TRA2A: variants seen among roughly 807,000 people sequenced by gnomAD.
The protein encoded by TRA2A is transformer 2 alpha homolog.
A neutral mutation model predicts 45.7 loss-of-function variants in TRA2A; 31 were observed. That is an observed-to-expected ratio of 0.68 (90% CI 0.51 to 0.92). TRA2A has a LOEUF of 0.92. TRA2A is among the 40% of genes least tolerant of loss of function. The probability of loss-of-function intolerance (pLI) is 0.00; values close to 1 mark genes in which losing one functional copy is unlikely to be tolerated. For synonymous variants in TRA2A, 132 were observed against 126.2 expected (o/e 1.05, Z -0.31); for missense variants, 304 against 367.5 (o/e 0.83, Z 1.41).
chr7:23,513,559 A>G (rs1293394299), intron 3 of TRA2A, among the ~76,000 whole-genome samples: 1 of 152,008 alleles, frequency 6.6e-6, no homozygotes, highest in African/African-American at 2.4e-5. Flanking sequence ...TGGAGGTTGC[A>G]GTGAGCCAAG....
chr7:23,511,061 C>T (rs941974697), intron 4 of TRA2A, among the ~76,000 whole-genome samples: 2 of 151,956 alleles, frequency 1.3e-5, no homozygotes, highest in African/African-American at 4.8e-5. Context: ...ATGCCAAGAA[C>T]TTACTGTTTT....
chr7:23,508,611 C>T (rs1374599105), intron 4 of TRA2A, among the ~76,000 whole-genome samples: 1 of 152,216 alleles, frequency 6.6e-6, no homozygotes, highest in African/African-American at 2.4e-5. Context: ...TCTCCTGCCT[C>T]AGCCTCCCAA....
intron 1 of TRA2A, among the ~76,000 whole-genome samples, chr7:23,530,947 G>A (rs566059940): frequency 4.0e-5 from 6 of 151,794 alleles, no homozygotes; most frequent in Non-Finnish European, 7.4e-5. Flanking sequence ...TAAAGGAGTG[G>A]TCAGTTTTTA....
chr7:23,522,002 A>T, intron 1 of TRA2A, 162 bp from the exon 2 acceptor site: 3 of 1,404,404 alleles, frequency 2.1e-6, no homozygotes, highest in Non-Finnish European at 2.8e-6. Flanking sequence ...CACTGTTAAT[A>T]CTGCTAACTG....
chr7:23,513,735 C>T (rs1044535787), intron 3 of TRA2A, among the ~76,000 whole-genome samples: 1 of 152,138 alleles, frequency 6.6e-6, no homozygotes, highest in Admixed American at 6.6e-5. Flanking sequence ...GTACACTGAA[C>T]AAAGGAGACA....
Position 23,505,514 on chromosome 7 carries a change from A to G in TRA2A, c.*45T>C. ...AATCTCAGAATTAAAAAAAAAAAAA[A>G]AAAAAAGAGGAAAAAAAATGTCCTT... On this transcript the variant is annotated 3_prime_UTR_variant, in exon 8 of 8. Coordinates refer to ENST00000297071, the MANE Select transcript of TRA2A (RefSeq NM_013293.5). The G allele has an allele frequency of 1.9e-6, 1 of 536,142 alleles. No homozygotes were observed. The highest frequency in any genetic ancestry group is 3.4e-6 in the Non-Finnish European group (1 of 297,754). The allele number at this position is 536,142 out of a possible 1,614,324, so 33.2% of individuals were successfully genotyped here. A position where few individuals can be genotyped will look rare whatever the true frequency, so the allele number is the denominator to read the frequency against.
chr7:23,526,825 A>T (rs1313497654), intron 1 of TRA2A, among the ~76,000 whole-genome samples: 1 of 152,186 alleles, frequency 6.6e-6, no homozygotes, highest in Admixed American at 6.5e-5. Flanking sequence ...CTTTATCTGC[A>T]AAGACTCAAA....
At chr7:23,515,517 G>A (rs909962507) in intron 3 of TRA2A, among the ~76,000 whole-genome samples, 10 of 131,708 alleles carry the variant, frequency 7.6e-5, no homozygotes, top group South Asian at 2.5e-4. Flanking sequence ...ACGCCCGGCC[G>A]GAACATATTT....
intron 3 of TRA2A, among the ~76,000 whole-genome samples, chr7:23,516,073 A>G (rs547847040): frequency 1.3e-5 from 2 of 152,054 alleles, no homozygotes; most frequent in East Asian, 3.9e-4. Flanking sequence ...TCAGGAGGCT[A>G]AGGCCGCAGT....
chr7:23,520,407 G>A (rs1345018313), intron 2 of TRA2A, among the ~76,000 whole-genome samples: 1 of 152,172 alleles, frequency 6.6e-6, no homozygotes, highest in Non-Finnish European at 1.5e-5. Flanking sequence ...AGGCCCTAAG[G>A]CAAAAACATG....
intron 2 of TRA2A, 124 bp downstream of exon 2, chr7:23,521,583 G>T (rs1371744422): frequency 2.8e-6 from 3 of 1,086,418 alleles, no homozygotes; most frequent in African/African-American, 3.2e-5. Flanking sequence ...TTTACAAAGA[G>T]CAGTCTGAGA....
chr7:23,521,620 A>T, intron 2 of TRA2A, 87 bp downstream of exon 2: 1 of 1,486,476 alleles, frequency 6.7e-7, no homozygotes, highest in Non-Finnish European at 9.3e-7. Flanking sequence ...GTCTTTCGTG[A>T]AATTTCTACA....
intron 2 of TRA2A, among the ~76,000 whole-genome samples, chr7:23,518,130 G>C (rs1204796485): frequency 6.6e-6 from 1 of 151,744 alleles, no homozygotes; most frequent in Non-Finnish European, 1.5e-5. Context: ...GTAGTGACAG[G>C]GTTTCGCCAT....
chr7:23,518,178 T>G (rs976719234), intron 2 of TRA2A, among the ~76,000 whole-genome samples: 7 of 152,044 alleles, frequency 4.6e-5, no homozygotes, highest in Non-Finnish European at 8.8e-5. Flanking sequence ...TTCAAGCAAT[T>G]TGCCCACCTC....
intron 1 of TRA2A, among the ~76,000 whole-genome samples, chr7:23,525,943 T>G (rs1790323904): frequency 1.3e-5 from 2 of 152,238 alleles, no homozygotes; most frequent in South Asian, 4.1e-4. Flanking sequence ...TGCTGTTGGT[T>G]GAAGGAAATG....
intron 3 of TRA2A, among the ~76,000 whole-genome samples, chr7:23,514,682 C>T (rs961796712): frequency 1.3e-5 from 2 of 151,968 alleles, no homozygotes; most frequent in Non-Finnish European, 2.9e-5. Flanking sequence ...GCAGCCTTGG[C>T]CTCCTTGGGC....
chr7:23,516,032 T>C (rs989547225), intron 3 of TRA2A, among the ~76,000 whole-genome samples: 5 of 151,886 alleles, frequency 3.3e-5, no homozygotes, highest in African/African-American at 9.7e-5. Flanking sequence ...ATTAGCTGGG[T>C]GTGGTGGTGC....
chr7:23,511,811 G>T (rs1789634502), intron 4 of TRA2A, among the ~76,000 whole-genome samples: 2 of 152,136 alleles, frequency 1.3e-5, no homozygotes, highest in South Asian at 4.1e-4. Context: ...TTAGTTCATT[G>T]TGTTAGGCAA....
At chr7:23,510,407 G>A (rs1438202902) in intron 4 of TRA2A, among the ~76,000 whole-genome samples, 2 of 152,108 alleles carry the variant, frequency 1.3e-5, no homozygotes, top group Non-Finnish European at 2.9e-5. Context: ...TTAGCTCACT[G>A]CAACCTCCGC....
Sources: allele counts gnomAD v4.1 joint callset (sites outside exome capture counted in the v4.1 genomes callset), GRCh38; gene constraint gnomAD v4.1.1; transcripts MANE v1.5; gene names NCBI Gene and HGNC (gene_info 2026-07-23, HGNC 2026-07-21).